Variants in MAP4K4 observed in about 807,000 individuals in gnomAD.
MAP4K4 encodes the protein HPK/GCK-like kinase HGK.
A neutral mutation model predicts 189.6 loss-of-function variants in MAP4K4; 38 were observed. The ratio of observed to expected loss-of-function variants is 0.20; its 90% CI spans 0.15 to 0.26. The LOEUF is 0.26. Ranked by LOEUF, MAP4K4 falls within the 10% of genes least tolerant of loss-of-function variation. The probability of loss-of-function intolerance (pLI) is 1.00; values close to 1 mark genes in which losing one functional copy is unlikely to be tolerated. For synonymous variants in MAP4K4, 610 were observed against 624.3 expected (o/e 0.98, Z 0.34); for missense variants, 1,054 against 1,726.9 (o/e 0.61, Z 6.91).
At chr2:101,787,682 A>T (rs2091816884) in intron 2 of MAP4K4, among the ~76,000 whole-genome samples, 1 of 152,134 alleles carries the variant, frequency 6.6e-6, no homozygotes, top group South Asian at 2.1e-4. Context: ...GTACAAGTAC[A>T]TTGAGTCCCG....
intron 2 of MAP4K4, among the ~76,000 whole-genome samples, chr2:101,710,811 A>G (rs1050609725): frequency 2.0e-5 from 3 of 152,090 alleles, no homozygotes; most frequent in African/African-American, 7.2e-5. Flanking sequence ...AGGAGTTAAA[A>G]CCCACTGAGC....
chr2:101,809,732 G>GT (rs1444444509), intron 3 of MAP4K4, among the ~76,000 whole-genome samples: 1 of 152,136 alleles, frequency 6.6e-6, no homozygotes, highest in African/African-American at 2.4e-5. Context: ...CTGTTGCTTT[G>GT]TTTGTTTGGG....
chr2:101,740,484 A>G (rs986274776), intron 2 of MAP4K4, among the ~76,000 whole-genome samples: 6 of 152,074 alleles, frequency 3.9e-5, no homozygotes, highest in South Asian at 2.1e-4. Context: ...TTTCCCCTCA[A>G]TCATCATAAT....
intron 27 of MAP4K4, among the ~76,000 whole-genome samples, chr2:101,879,455 G>T (rs4851507): frequency 1.3e-5 from 2 of 151,924 alleles, no homozygotes; most frequent in Non-Finnish European, 2.9e-5. Flanking sequence ...TTCTCTGTAA[G>T]TATATCTCAC....
intron 2 of MAP4K4, among the ~76,000 whole-genome samples, chr2:101,736,312 C>T (rs1375983230): frequency 6.6e-6 from 1 of 152,208 alleles, no homozygotes; most frequent in Non-Finnish European, 1.5e-5. Context: ...ATGCGTGGCC[C>T]TCCTTATTTC....
At chr2:101,706,820 G>A (rs1475955491) in intron 2 of MAP4K4, among the ~76,000 whole-genome samples, 2 of 152,196 alleles carry the variant, frequency 1.3e-5, no homozygotes, top group African/African-American at 2.4e-5. Context: ...TTAAAAGAAA[G>A]GGTATATGGG....
At chr2:101,821,542 A>C (rs2096057406) in intron 3 of MAP4K4, among the ~76,000 whole-genome samples, 3 of 152,220 alleles carry the variant, frequency 2.0e-5, no homozygotes, top group Admixed American at 6.5e-5. Flanking sequence ...AATATGTTAT[A>C]AAAGATAAAA....
intron 2 of MAP4K4, among the ~76,000 whole-genome samples, chr2:101,781,152 C>T (rs1327378038): frequency 3.9e-5 from 6 of 152,012 alleles, no homozygotes; most frequent in South Asian, 2.1e-4. Context: ...ATCCTTTTTT[C>T]GGACCCTTTA....
At chr2:101,709,892 G>T (rs1428624085) in intron 2 of MAP4K4, among the ~76,000 whole-genome samples, 1 of 152,066 alleles carries the variant, frequency 6.6e-6, no homozygotes, top group Non-Finnish European at 1.5e-5. Flanking sequence ...GATACCTTTT[G>T]TTAGGGCCTT....
At chr2:101,805,093 AAAG>A (rs2149047498) in intron 3 of MAP4K4, among the ~76,000 whole-genome samples, 1 of 151,826 alleles carries the variant, frequency 6.6e-6, no homozygotes, top group African/African-American at 2.4e-5. Flanking sequence ...AAAAAAAAAA[AAAG>A]TAATAATATT....
intron 18 of MAP4K4, among the ~76,000 whole-genome samples, chr2:101,865,768 C>T (rs534387403): frequency 6.6e-6 from 1 of 152,306 alleles, no homozygotes; most frequent in East Asian, 1.9e-4. Flanking sequence ...CTAAAGTTAG[C>T]CTTCTGCGCA....
intron 3 of MAP4K4, among the ~76,000 whole-genome samples, chr2:101,792,755 C>A (rs553659241): frequency 3.2e-4 from 48 of 152,128 alleles, no homozygotes; most frequent in Admixed American, 2.8e-3. Context: ...CCTGCCTCAG[C>A]GTCTGTAGTA....
intron 4 of MAP4K4, among the ~76,000 whole-genome samples, chr2:101,824,299 G>A (rs1356724706): frequency 6.6e-6 from 1 of 152,138 alleles, no homozygotes; most frequent in African/African-American, 2.4e-5. Context: ...GAATAAAATG[G>A]CAGCATCTAG....
intron 2 of MAP4K4, among the ~76,000 whole-genome samples, chr2:101,767,702 C>T (rs1055183982): frequency 1.3e-5 from 2 of 152,202 alleles, no homozygotes; most frequent in African/African-American, 4.8e-5. Context: ...GCACTGCTGG[C>T]TCCAGACTGA....
At chr2:101,794,009 A>T (rs149416013) in intron 3 of MAP4K4, among the ~76,000 whole-genome samples, 4 of 152,266 alleles carry the variant, frequency 2.6e-5, no homozygotes, top group African/African-American at 9.6e-5. Flanking sequence ...GTTCTCTTCA[A>T]ATTTTGTGTG....
chr2:101,889,137 T>C (rs914465569), intron 32 of MAP4K4, among the ~76,000 whole-genome samples: 2 of 152,238 alleles, frequency 1.3e-5, no homozygotes, highest in African/African-American at 4.8e-5. Flanking sequence ...TTTTTCTCTG[T>C]AGAAATTAAC....
intron 2 of MAP4K4, among the ~76,000 whole-genome samples, chr2:101,739,424 T>G (rs960779504): frequency 2.6e-5 from 4 of 152,294 alleles, no homozygotes; most frequent in African/African-American, 9.6e-5. Flanking sequence ...CTAAAGCTTC[T>G]ATTTACTTTT....
chr2:101,751,576 A>G (rs1348675338), intron 2 of MAP4K4, among the ~76,000 whole-genome samples: 5 of 152,236 alleles, frequency 3.3e-5, no homozygotes, highest in Non-Finnish European at 5.9e-5. Context: ...GTTTCCATGT[A>G]TTTAAAATGG....
At chr2:101,865,115 C>A in intron 18 of MAP4K4, 79 bp downstream of exon 18, 1 of 871,398 alleles carries the variant, frequency 1.1e-6, no homozygotes, top group Non-Finnish European at 1.8e-6. Context: ...CATAAAAATG[C>A]TCTTAAACAC....
Sources: allele counts gnomAD v4.1 joint callset (sites outside exome capture counted in the v4.1 genomes callset), GRCh38; gene constraint gnomAD v4.1.1; transcripts MANE v1.5; gene names NCBI Gene and HGNC (gene_info 2026-07-23, HGNC 2026-07-21).